KCNIP1: variants seen among roughly 807,000 people sequenced by gnomAD.
The protein encoded by KCNIP1 is A-type potassium channel modulatory protein KCNIP1.
A neutral mutation model predicts 33.0 loss-of-function variants in KCNIP1; 18 were observed. The ratio of observed to expected loss-of-function variants is 0.55; its 90% CI spans 0.38 to 0.81. KCNIP1 has a LOEUF of 0.81. KCNIP1 is among the 30% of genes least tolerant of loss of function. KCNIP1 has a pLI of 0.00. For synonymous variants in KCNIP1, 93 were observed against 98.3 expected (o/e 0.95, Z 0.32); for missense variants, 238 against 271.6 (o/e 0.88, Z 0.87).
At chr5:170,578,950 G>C (rs1364603494) in intron 1 of KCNIP1, among the ~76,000 whole-genome samples, 1 of 152,200 alleles carries the variant, frequency 6.6e-6, no homozygotes, top group Non-Finnish European at 1.5e-5. Context: ...TGATATGCTT[G>C]AGGGACAGAA....
At chr5:170,434,329 G>C (rs13173001) in intron 1 of KCNIP1, among the ~76,000 whole-genome samples, 29,842 of 152,118 alleles carry the variant, frequency 0.2, 2,968 homozygotes, top group Non-Finnish European at 0.21. Context: ...CACACATTTA[G>C]AATAGAGCAT....
At chr5:170,446,361 T>C (rs1456549636) in intron 1 of KCNIP1, among the ~76,000 whole-genome samples, 2 of 152,022 alleles carry the variant, frequency 1.3e-5, no homozygotes. Flanking sequence ...TTGAGAAGTC[T>C]GAGCTCAAGT....
upstream of KCNIP1, among the ~76,000 whole-genome samples, chr5:170,500,146 A>T (rs1446803502): frequency 6.6e-6 from 1 of 152,108 alleles, no homozygotes; most frequent in East Asian, 1.9e-4. Flanking sequence ...CTCACATGGT[A>T]TCTTTGTGCG....
At chr5:170,512,838 A>G (rs1160201084) in intron 1 of KCNIP1, among the ~76,000 whole-genome samples, 1 of 152,126 alleles carries the variant, frequency 6.6e-6, no homozygotes, top group Non-Finnish European at 1.5e-5. Context: ...TCATGAGGTC[A>G]GGAGATAGAG....
intron 1 of KCNIP1, among the ~76,000 whole-genome samples, chr5:170,485,675 G>A (rs1026911654): frequency 1.3e-5 from 2 of 152,224 alleles, no homozygotes; most frequent in Admixed American, 6.5e-5. Context: ...GGCTGCTGAT[G>A]ACATGATCTC....
rs574857177 is a variant in KCNIP1 at position 170,598,657 on chromosome 5, ACT to A, written c.61+94026_61+94027del. On this transcript the variant is annotated intron_variant, in intron 1 of 7. Coordinates refer to ENST00000328939, the MANE Select transcript of KCNIP1 (RefSeq NM_014592.4). ...GAGCTGGTTGCAGAGGAGAGCTTAA[ACT>A]CACACAGAGAGGGGAGGCCTGGGAG... 6.6e-5 allele frequency among the ~76,000 whole-genome samples: 10 copies of A among 152,156 alleles called. No individual in the cohort carries two copies. In the East Asian group the frequency reaches 1.9e-3, roughly 30 times the overall value.
intron 1 of KCNIP1, among the ~76,000 whole-genome samples, chr5:170,602,516 G>C (rs185821962): frequency 6.6e-6 from 1 of 152,222 alleles, no homozygotes; most frequent in Non-Finnish European, 1.5e-5. Flanking sequence ...CCTGCCTGCC[G>C]TGCAGTTTGT....
In KCNIP1 at chr5:170,554,434, C is replaced by T. The variant is rs1756768827; in HGVS notation, c.61+49801C>T. ...GTCTAACATTGCAGCCAGGCTCAGC[C>T]ATTCTGTAGGAGGATTAAAGGATGG... On this transcript the variant is annotated intron_variant, in intron 1 of 7. Transcript: ENST00000328939. Among the ~76,000 whole-genome samples the T allele has an allele frequency of 2.0e-5, 3 of 152,226 alleles. No individual in the cohort carries two copies. In the South Asian group the frequency reaches 6.2e-4, roughly 32 times the overall value.
chr5:170,680,779 C>G (rs889657739), intron 1 of KCNIP1: 53 of 267,530 alleles, frequency 2.0e-4, no homozygotes, highest in Admixed American at 9.1e-4. Flanking sequence ...GATGGTTACA[C>G]TCAGCTAGCA....
chr5:170,541,492 C>A (rs1756209016), intron 1 of KCNIP1, among the ~76,000 whole-genome samples: 1 of 152,206 alleles, frequency 6.6e-6, no homozygotes, highest in Non-Finnish European at 1.5e-5. Flanking sequence ...ATGATGCTCC[C>A]AGCCTTGCCC....
chr5:170,540,070 A>G (rs2113376374), intron 1 of KCNIP1, among the ~76,000 whole-genome samples: 2 of 151,930 alleles, frequency 1.3e-5, no homozygotes, highest in Middle Eastern at 6.8e-3. Context: ...GGATCTGACC[A>G]GTGCACTTTC....
At chr5:170,651,945 A>G (rs1164759745) in intron 1 of KCNIP1, among the ~76,000 whole-genome samples, 1 of 152,238 alleles carries the variant, frequency 6.6e-6, no homozygotes, top group Non-Finnish European at 1.5e-5. Flanking sequence ...ATGTTTTTAA[A>G]TGTGAAAAAT....
intron 5 of KCNIP1, 92 bp from the exon 6 acceptor site, chr5:170,732,708 G>T: frequency 1.3e-6 from 1 of 779,182 alleles, no homozygotes. Flanking sequence ...CACTTTCATT[G>T]CCAAGGGGCA....
chr5:170,721,120 C>T (rs931456774), intron 3 of KCNIP1, among the ~76,000 whole-genome samples: 7 of 152,200 alleles, frequency 4.6e-5, no homozygotes, highest in Non-Finnish European at 1.0e-4. Flanking sequence ...TGGATCCTGA[C>T]AAAATGCAAA....
chr5:170,650,037 G>C (rs1760977897), intron 1 of KCNIP1, among the ~76,000 whole-genome samples: 1 of 152,172 alleles, frequency 6.6e-6, no homozygotes, highest in Admixed American at 6.5e-5. Context: ...AGTGGCTCCT[G>C]TGCAGTTGGG....
At chr5:170,408,762 C>T (rs1246839022) in intron 1 of KCNIP1, among the ~76,000 whole-genome samples, 2 of 152,062 alleles carry the variant, frequency 1.3e-5, no homozygotes, top group African/African-American at 4.8e-5. Flanking sequence ...TCACTGCGGC[C>T]CTTGTCAAAA....
chr5:170,642,353 G>A (rs1454816832), intron 1 of KCNIP1, among the ~76,000 whole-genome samples: 2 of 152,194 alleles, frequency 1.3e-5, no homozygotes, highest in Non-Finnish European at 2.9e-5. Context: ...CATGTAGTGA[G>A]CACCGACTGT....
chr5:170,581,725 A>G (rs183606160), intron 1 of KCNIP1, among the ~76,000 whole-genome samples: 5 of 152,364 alleles, frequency 3.3e-5, no homozygotes, highest in Non-Finnish European at 5.9e-5. Context: ...TCCATCTTTG[A>G]TGGTTAAACC....
chr5:170,624,732 T>TGGGGGGGGGGG (rs549130383), intron 1 of KCNIP1, among the ~76,000 whole-genome samples: 1 of 13,218 alleles, frequency 7.6e-5, no homozygotes, highest in African/African-American at 3.3e-4. Context: ...ACCGGGGAGG[T>TGGGGGGGGGGG]GGGGGGGGAG....
Sources: gnomAD v4.1 joint callset for allele counts (sites outside exome capture counted in the v4.1 genomes callset) on GRCh38, gnomAD v4.1.1 for gene constraint, MANE v1.5 for transcripts, NCBI Gene and HGNC (gene_info 2026-07-23, HGNC 2026-07-21) for gene names.